The following NFIB variants were observed in gnomAD, a reference collection of about 807,000 sequenced individuals.
NFIB encodes the protein nuclear factor 1 B-type.
NFIB carries 11 observed loss-of-function variants against 61.5 expected under a neutral mutation model. That is an observed-to-expected ratio of 0.18 (90% confidence interval 0.11 to 0.30). The LOEUF (loss-of-function observed/expected upper bound fraction) is 0.30. Ranked by LOEUF, NFIB falls within the 10% of genes least tolerant of loss-of-function variation. The probability of loss-of-function intolerance (pLI) is 1.00; values close to 1 mark genes in which losing one functional copy is unlikely to be tolerated. For missense variants in NFIB, 471 were observed against 608.9 expected (o/e 0.77, Z 2.38); for synonymous variants, 260 against 216.5 (o/e 1.20, Z -1.76).
At chr9:14,244,193 C>T (rs1587880588) in intron 2 of NFIB, among the ~76,000 whole-genome samples, 1 of 152,140 alleles carries the variant, frequency 6.6e-6, no homozygotes, top group Non-Finnish European at 1.5e-5. Flanking sequence ...AAAGTAAGTG[C>T]TTAAAGATAT....
intron 1 of NFIB, among the ~76,000 whole-genome samples, chr9:14,343,522 T>C (rs948398226): frequency 6.6e-6 from 1 of 152,178 alleles, no homozygotes. Context: ...GATGTGGCTG[T>C]TGGCAGGGAT....
chr9:14,295,607 G>A (rs114603458), intron 2 of NFIB, among the ~76,000 whole-genome samples: 2,267 of 151,214 alleles, frequency 0.015, 57 homozygotes, highest in African/African-American at 0.052. Context: ...CTCCAGCCTG[G>A]GCTACCCAGC....
chr9:14,508,013 T>C, the NFIB span, among the ~76,000 whole-genome samples: 1 of 151,646 alleles, frequency 6.6e-6, no homozygotes, highest in African/African-American at 2.4e-5. Flanking sequence ...TATATATTCA[T>C]GTCCTGAACC....
chr9:14,107,757 T>C (rs1342062799), intron 10 of NFIB, among the ~76,000 whole-genome samples: 1 of 152,120 alleles, frequency 6.6e-6, no homozygotes, highest in African/African-American at 2.4e-5. Flanking sequence ...CTGTCCCTTA[T>C]GTGCAGTTCA....
At chr9:14,191,635 T>C (rs1340372161) in intron 2 of NFIB, among the ~76,000 whole-genome samples, 1 of 151,902 alleles carries the variant, frequency 6.6e-6, no homozygotes, top group Non-Finnish European at 1.5e-5. Flanking sequence ...ATCCAAAGAG[T>C]ATGAAAAAAT....
chr9:14,369,956 G>A (rs562468289), intron 1 of NFIB, among the ~76,000 whole-genome samples: 1 of 152,276 alleles, frequency 6.6e-6, no homozygotes, highest in African/African-American at 2.4e-5. Context: ...TACCCCCAGG[G>A]TAAGACAAGG....
chr9:14,285,296 T>C (rs1191869706), intron 2 of NFIB, among the ~76,000 whole-genome samples: 1 of 152,086 alleles, frequency 6.6e-6, no homozygotes, highest in Non-Finnish European at 1.5e-5. Context: ...CTAATTTTTG[T>C]ATTTTTAGTA....
the NFIB span, among the ~76,000 whole-genome samples, chr9:14,448,836 C>T: frequency 6.6e-6 from 1 of 152,024 alleles, no homozygotes; most frequent in African/African-American, 2.4e-5. Flanking sequence ...TGCAATATTC[C>T]CATTCATTTT....
Position 14,227,256 on chromosome 9 carries a change from GC to G in NFIB, c.563-47477del, listed in dbSNP as rs1361231216. Among the ~76,000 whole-genome samples, 7 of 152,156 alleles carry G rather than the reference GC, an allele frequency of 4.6e-5. No homozygotes were observed. The East Asian group carries it at 1.4e-3, about 29-fold the overall frequency. On this transcript the variant is annotated intron_variant, in intron 2 of 10. Coordinates refer to ENST00000380953, the MANE Select transcript of NFIB (RefSeq NM_001190737.2). ...CTAATTTATCAGTTGAAAGATTTCT[GC>G]CACCTATCATTGTCTAAATGGATTC...
At chr9:14,225,931 C>A (rs1420583003) in intron 2 of NFIB, among the ~76,000 whole-genome samples, 1 of 152,074 alleles carries the variant, frequency 6.6e-6, no homozygotes, top group African/African-American at 2.4e-5. Flanking sequence ...AATCACATTT[C>A]AGAAAAATTC....
chr9:14,107,918 T>G, intron 10 of NFIB, among the ~76,000 whole-genome samples: 1 of 152,312 alleles, frequency 6.6e-6, no homozygotes, highest in Middle Eastern at 3.4e-3. Context: ...ACATAAAATG[T>G]AATTTTACTT....
intron 3 of NFIB, among the ~76,000 whole-genome samples, chr9:14,165,425 T>C (rs2044675821): frequency 6.6e-6 from 1 of 152,172 alleles, no homozygotes; most frequent in Admixed American, 6.5e-5. Flanking sequence ...TACAGCAATA[T>C]TATCAAAAGA....
the NFIB span, among the ~76,000 whole-genome samples, chr9:14,531,387 G>C: frequency 2.0e-5 from 3 of 152,144 alleles, no homozygotes; most frequent in African/African-American, 7.2e-5. Context: ...TAATTACGCT[G>C]AGTGGCATAG....
chr9:14,511,101 G>C, the NFIB span, among the ~76,000 whole-genome samples: 1 of 152,144 alleles, frequency 6.6e-6, no homozygotes, highest in African/African-American at 2.4e-5. Context: ...GCCTTCCAAA[G>C]AGTTTGTGTT....
chr9:14,495,445 A>ATTTTTTTTTTTTTTT, the NFIB span, among the ~76,000 whole-genome samples: 38 of 98,110 alleles, frequency 3.9e-4, no homozygotes, highest in African/African-American at 1.1e-3. Flanking sequence ...AGAGAAATGA[A>ATTTTTTTTTTTTTTT]CTTTTTTTTT....
chr9:14,417,741 A>C, the NFIB span, among the ~76,000 whole-genome samples: 1 of 151,478 alleles, frequency 6.6e-6, no homozygotes, highest in Admixed American at 6.6e-5. Flanking sequence ...AGGTGTCATA[A>C]ATTAAAATCT....
chr9:14,484,964 G>A, the NFIB span, among the ~76,000 whole-genome samples: 2 of 152,210 alleles, frequency 1.3e-5, no homozygotes, highest in African/African-American at 2.4e-5. Flanking sequence ...CTGACTCACA[G>A]ACAGCCACCT....
intron 1 of NFIB, among the ~76,000 whole-genome samples, chr9:14,378,175 G>T (rs2132991493): frequency 6.6e-6 from 1 of 152,134 alleles, no homozygotes; most frequent in South Asian, 2.1e-4. Context: ...CTTTCCAAAG[G>T]GAATAATAAT....
chr9:14,087,429 T>C lies in NFIB; in HGVS notation c.*880A>G, dbSNP rs2033023357. ...CCCCTTTAGATATAAATTTATAAAT[T>C]GCACTTGCCTCTGTTAAGTGTTTCT... On this transcript the variant is annotated 3_prime_UTR_variant, in exon 11 of 11. Coordinates refer to ENST00000380953, the MANE Select transcript of NFIB (RefSeq NM_001190737.2). The C allele has an allele frequency of 4.7e-6, 1 of 213,610 alleles. No homozygotes were observed. The highest frequency in any genetic ancestry group is 9.5e-6 in the Non-Finnish European group (1 of 105,288). 13.2% of individuals were successfully genotyped at this position (213,610 alleles called of 1,614,324 possible).
Sources: allele counts gnomAD v4.1 joint callset (sites outside exome capture counted in the v4.1 genomes callset), GRCh38; gene constraint gnomAD v4.1.1; transcripts MANE v1.5; gene names NCBI Gene and HGNC (gene_info 2026-07-23, HGNC 2026-07-21).